The following LRBA variants were observed in gnomAD, a reference collection of about 807,000 sequenced individuals.
The protein encoded by LRBA is lipopolysaccharide-responsive and beige-like anchor protein.
A neutral mutation model predicts 330.0 loss-of-function variants in LRBA; 176 were observed. The observed-to-expected ratio is 0.53, with a 90% confidence interval of 0.47 to 0.60. The LOEUF is 0.60. Ranked by LOEUF, LRBA falls within the 20% of genes least tolerant of loss-of-function variation. The pLI is 0.00. For missense variants in LRBA, 3,259 were observed against 3,444.8 expected, an observed-to-expected ratio of 0.95 and a Z score of 1.35; for synonymous variants, 1,230 against 1,193.0, an observed-to-expected ratio of 1.03 and a Z score of -0.64.
At chr4:150,750,725 G>A (rs1213781663) in intron 35 of LRBA, among the ~76,000 whole-genome samples, 3 of 151,882 alleles carry the variant, frequency 2.0e-5, no homozygotes. Flanking sequence ...GAACTACAAT[G>A]CCCAGGTTAT....
intron 46 of LRBA, among the ~76,000 whole-genome samples, chr4:150,434,159 T>C (rs1017760688): frequency 6.6e-6 from 1 of 152,168 alleles, no homozygotes; most frequent in Non-Finnish European, 1.5e-5. Flanking sequence ...GGTATAATTA[T>C]TTATATATGT....
At chr4:150,801,601 C>A (rs1350408856) in intron 33 of LRBA, among the ~76,000 whole-genome samples, 2 of 152,208 alleles carry the variant, frequency 1.3e-5, no homozygotes, top group Non-Finnish European at 2.9e-5. Flanking sequence ...TACTTAGAAA[C>A]TGTATCAAGT....
At chr4:150,904,966 G>A (rs966454220) in intron 13 of LRBA, among the ~76,000 whole-genome samples, 1 of 152,022 alleles carries the variant, frequency 6.6e-6, no homozygotes, top group Non-Finnish European at 1.5e-5. Context: ...AGGGGAGAGA[G>A]GAAAACTGGG....
At chr4:150,269,405 T>C (rs530822754) in intron 56 of LRBA, among the ~76,000 whole-genome samples, 1 of 152,258 alleles carries the variant, frequency 6.6e-6, no homozygotes, top group Non-Finnish European at 1.5e-5. Context: ...TTTCAACAAA[T>C]TATGCTGGGA....
intron 36 of LRBA, among the ~76,000 whole-genome samples, chr4:150,702,326 C>T (rs1203014406): frequency 6.6e-6 from 1 of 152,048 alleles, no homozygotes; most frequent in Non-Finnish European, 1.5e-5. Flanking sequence ...TTGCACTCTA[C>T]CAATTTCACA....
chr4:150,469,006 A>G (rs1487180878), intron 43 of LRBA, among the ~76,000 whole-genome samples: 2 of 151,998 alleles, frequency 1.3e-5, no homozygotes, highest in Non-Finnish European at 2.9e-5. Context: ...TAATTTCTCC[A>G]TTAAAAAAAC....
At chr4:150,913,710 A>T (rs1732265385) in intron 9 of LRBA, among the ~76,000 whole-genome samples, 2 of 152,152 alleles carry the variant, frequency 1.3e-5, no homozygotes, top group Non-Finnish European at 2.9e-5. Context: ...GAGAGCTCTG[A>T]TGTTAAGTAC....
intron 33 of LRBA, among the ~76,000 whole-genome samples, chr4:150,802,986 C>T (rs533320331): frequency 1.0e-4 from 14 of 140,344 alleles, no homozygotes; most frequent in Admixed American, 7.4e-5. Flanking sequence ...CGCACCACTG[C>T]ACTCCAGCCT....
chr4:150,936,773 A>G (rs1448816173), intron 2 of LRBA, among the ~76,000 whole-genome samples: 1 of 152,076 alleles, frequency 6.6e-6, no homozygotes, highest in African/African-American at 2.4e-5. Context: ...CAACACCCAC[A>G]TACAATTGTA....
chr4:150,317,937 C>T (rs982545619), intron 50 of LRBA, among the ~76,000 whole-genome samples: 1 of 152,144 alleles, frequency 6.6e-6, no homozygotes, highest in African/African-American at 2.4e-5. Context: ...AAGTACAGAA[C>T]CTACATCCTC....
At chr4:150,941,086 T>C (rs973702555) in intron 2 of LRBA, among the ~76,000 whole-genome samples, 1 of 152,142 alleles carries the variant, frequency 6.6e-6, no homozygotes, top group Non-Finnish European at 1.5e-5. Flanking sequence ...TCGTGCAGCC[T>C]GTGCCTCTCT....
chr4:150,878,887 A>G (rs1302335760), intron 17 of LRBA, among the ~76,000 whole-genome samples: 1 of 147,906 alleles, frequency 6.8e-6, no homozygotes, highest in Non-Finnish European at 1.5e-5. Flanking sequence ...TTGGTTACCT[A>G]CTAACCAAAA....
chr4:150,641,414 A>G (rs919294265), intron 37 of LRBA, among the ~76,000 whole-genome samples: 2 of 152,118 alleles, frequency 1.3e-5, no homozygotes, highest in Non-Finnish European at 2.9e-5. Flanking sequence ...ATGGCATCAA[A>G]TTCTAATTTA....
intron 48 of LRBA, among the ~76,000 whole-genome samples, chr4:150,340,661 ATT>A (rs1735400861): frequency 6.6e-6 from 1 of 152,134 alleles, no homozygotes; most frequent in Non-Finnish European, 1.5e-5. Context: ...TGTGACTTGC[ATT>A]TCATCTTTCA....
intron 44 of LRBA, among the ~76,000 whole-genome samples, chr4:150,441,252 A>G (rs2152004811): frequency 6.6e-6 from 1 of 152,290 alleles, no homozygotes; most frequent in Non-Finnish European, 1.5e-5. Flanking sequence ...CTAAAGACAA[A>G]GCAGGATAAG....
chr4:150,608,651 G>A (rs1476799691), intron 37 of LRBA, among the ~76,000 whole-genome samples: 2 of 152,124 alleles, frequency 1.3e-5, no homozygotes, highest in Non-Finnish European at 1.5e-5. Flanking sequence ...ACAATTCAAC[G>A]TTTTTTAGTA....
intron 44 of LRBA, among the ~76,000 whole-genome samples, chr4:150,464,824 G>A (rs1875899): frequency 0.46 from 69,618 of 151,894 alleles, 16,243 homozygotes; most frequent in Non-Finnish European, 0.51. Context: ...AGAAGCAAGA[G>A]CAGAAACACA....
chr4:150,306,758 A>C (rs1276080297), intron 52 of LRBA, among the ~76,000 whole-genome samples: 1 of 152,180 alleles, frequency 6.6e-6, no homozygotes, highest in African/African-American at 2.4e-5. Context: ...TACAAATTAC[A>C]GCATTTTCCC....
At chr4:150,930,584 G>T (rs866513504) in intron 2 of LRBA, among the ~76,000 whole-genome samples, 2 of 152,118 alleles carry the variant, frequency 1.3e-5, no homozygotes, top group Admixed American at 1.3e-4. Flanking sequence ...AGCAAGGAAG[G>T]TTCAAAACTA....
Sources: allele counts gnomAD v4.1 joint callset (sites outside exome capture counted in the v4.1 genomes callset), GRCh38; gene constraint gnomAD v4.1.1; transcripts MANE v1.5; gene names NCBI Gene and HGNC (gene_info 2026-07-23, HGNC 2026-07-21).